Variants in SLC35A3 observed in about 807,000 individuals in gnomAD.
SLC35A3 encodes the protein solute carrier family 35 member A3, also known as UDP-N-acetylglucosamine transporter.
In SLC35A3, 26 loss-of-function variants were observed where a neutral mutation model predicts 39.0. The observed-to-expected ratio is 0.67, with a 90% CI of 0.49 to 0.92. The LOEUF is 0.92. Among genes scored for constraint, SLC35A3 ranks in the 40% least tolerant of loss-of-function variants. SLC35A3 has a pLI of 0.00. For missense variants in SLC35A3, 299 were observed against 371.6 expected (o/e 0.80, Z 1.61); for synonymous variants, 135 against 133.1 (o/e 1.01, Z -0.10).
At chr1:100,015,027 A>G (rs1014904766) in intron 5 of SLC35A3, among the ~76,000 whole-genome samples, 16 of 151,982 alleles carry the variant, frequency 1.1e-4, no homozygotes, top group South Asian at 8.3e-4. Context: ...GCGTGGTGGC[A>G]CGCGCCTGTA....
Position 100,033,020 on chromosome 1 carries a change from G to T in SLC35A3, c.*10544G>T, listed in dbSNP as rs923990538. 6.6e-6 allele frequency: 1 copy of T among 152,044 alleles called. No homozygotes were observed. Among genetic ancestry groups the T allele is most frequent in the Non-Finnish European group, 1.5e-5 (1 of 68,016 alleles). The allele number at this position is 152,044 out of a possible 1,614,324, so 9.4% of individuals were successfully genotyped here. A position where few individuals can be genotyped will look rare whatever the true frequency, so the allele number is the denominator to read the frequency against. ...TGGGATTTATTTAATTTTTTCTTTGGAGTCCTTCTAGCCAGTGAATGGAAT... is the reference window on the plus strand; with the variant it reads ...TGGGATTTATTTAATTTTTTCTTTGTAGTCCTTCTAGCCAGTGAATGGAAT... On this transcript the variant is annotated 3_prime_UTR_variant, in exon 8 of 8. Coordinates refer to ENST00000533028, the MANE Select transcript of SLC35A3 (RefSeq NM_012243.3).
intron 1 of SLC35A3, among the ~76,000 whole-genome samples, chr1:99,983,244 A>C (rs552156273): frequency 1.7e-3 from 257 of 152,124 alleles, no homozygotes; most frequent in African/African-American, 5.7e-3. Context: ...TAATGGCTAC[A>C]AAAATACGGT....
Position 100,027,941 on chromosome 1 carries a change from C to CTTTTTTTT in SLC35A3, c.*5484_*5491dup, listed in dbSNP as rs766486592. The stretch of plus-strand genomic sequence containing the variant: ...ATCTGAATCTTATAGATAATACTAC[C>CTTTTTTTT]TTTTTTTTTTTTTTTTTTTTTTTTT... On this transcript the variant is annotated 3_prime_UTR_variant, in exon 8 of 8. Transcript: ENST00000533028. The CTTTTTTTT allele has an allele frequency of 2.7e-5, 3 of 109,700 alleles. No individual in the cohort carries two copies. Among genetic ancestry groups the CTTTTTTTT allele is most frequent in the African/African-American group, 8.2e-5 (2 of 24,392 alleles). The allele number at this position is 109,700 out of a possible 1,614,324, so 6.8% of individuals were successfully genotyped here. A position where few individuals can be genotyped will look rare whatever the true frequency, so the allele number is the denominator to read the frequency against.
intron 1 of SLC35A3, among the ~76,000 whole-genome samples, chr1:99,986,813 C>A (rs1333116386): frequency 6.6e-6 from 1 of 152,116 alleles, no homozygotes; most frequent in Non-Finnish European, 1.5e-5. Flanking sequence ...GTCTCTCACT[C>A]CTGGAGTCAA....
chr1:100,005,088 G>A lies in SLC35A3; in HGVS notation c.343-1946G>A, dbSNP rs368952035. On this transcript the variant is annotated intron_variant, in intron 3 of 7. Transcript: ENST00000533028. Reference sequence around the variant, plus strand: ...CATTTTTTAACAATAGTTTCACTGCGTATGGTATTTTTATCTGGCAGTTTT... The same window carrying A: ...CATTTTTTAACAATAGTTTCACTGCATATGGTATTTTTATCTGGCAGTTTT... Among the ~76,000 whole-genome samples the A allele has an allele frequency of 4.3e-4, 66 of 152,218 alleles. 5 individuals are homozygous for A. The highest frequency in any genetic ancestry group is 2.1e-3 in the East Asian group (11 of 5,182).
Position 100,017,758 on chromosome 1 carries a change from C to T in SLC35A3, c.830C>T (p.Ser277Leu), listed in dbSNP as rs780108041. The stretch of plus-strand genomic sequence containing the variant: ...TTAAAAGGATTTGCAACCTCTTTAT[C>T]GATAATATTATCAACATTGATCTCC... ...NILKGFATSL[S>L]IILSTLISYF... The change falls in exon 7 of 8, where the codon TCG becomes TTG. Residue 277 changes from serine (S) to leucine (L), a missense_variant. By Grantham distance (145) the Ser-to-Leu change is moderately radical (BLOSUM62 -2). Transcript: ENST00000533028. 3.8e-6 allele frequency: 6 copies of T among 1,574,278 alleles called. No individual in the cohort carries two copies. The highest frequency in any genetic ancestry group is 1.9e-5 in the Admixed American group (1 of 53,508).
At chr1:100,007,369 C>T (rs1326148610) in intron 4 of SLC35A3, 1 of 394,582 alleles carries the variant, frequency 2.5e-6, no homozygotes, top group African/African-American at 2.1e-5. Context: ...ATTATATTAC[C>T]TACAGAAGTG....
chr1:100,006,742 A>G (rs1659258051), intron 3 of SLC35A3, among the ~76,000 whole-genome samples: 1 of 152,204 alleles, frequency 6.6e-6, no homozygotes, highest in Non-Finnish European at 1.5e-5. Flanking sequence ...GTGTATCTGC[A>G]AGAGTGGCAG....
At chr1:99,993,930 A>G (rs972486331) in intron 2 of SLC35A3, among the ~76,000 whole-genome samples, 189 bp downstream of exon 2, 2 of 152,110 alleles carry the variant, frequency 1.3e-5, no homozygotes, top group African/African-American at 4.8e-5. Flanking sequence ...ATCATGATTC[A>G]TATCTTCTGG....
At chr1:99,979,430 CTTTTTTT>C (rs755564922) in intron 1 of SLC35A3, among the ~76,000 whole-genome samples, 1 of 136,316 alleles carries the variant, frequency 7.3e-6, no homozygotes, top group Non-Finnish European at 1.6e-5. Context: ...CCTTTTCTTT[CTTTTTTT>C]TTTTTTTTTT....
chr1:100,030,741 T>G lies in SLC35A3; in HGVS notation c.*8265T>G, dbSNP rs1661173048. 6.6e-6 allele frequency: 1 copy of G among 152,222 alleles called. No individual in the cohort carries two copies. The highest frequency in any genetic ancestry group is 2.1e-4 in the South Asian group (1 of 4,832). The allele number at this position is 152,222 out of a possible 1,614,324, so 9.4% of individuals were successfully genotyped here. A position where few individuals can be genotyped will look rare whatever the true frequency, so the allele number is the denominator to read the frequency against. Reference sequence around the variant, plus strand: ...TGATTTCTAATAATTGAGGGTTTATTAAGTTTTTCCCTTTAGGCTAAAGTT... The same window carrying G: ...TGATTTCTAATAATTGAGGGTTTATGAAGTTTTTCCCTTTAGGCTAAAGTT... On this transcript the variant is annotated 3_prime_UTR_variant, in exon 8 of 8. Coordinates refer to ENST00000533028, the MANE Select transcript of SLC35A3 (RefSeq NM_012243.3).
chr1:100,016,299 C>T (rs977399486), intron 6 of SLC35A3, among the ~76,000 whole-genome samples: 6 of 150,418 alleles, frequency 4.0e-5, no homozygotes, highest in Admixed American at 1.3e-4. Context: ...CTCCTGACCT[C>T]GTTATCCACC....
In SLC35A3 at chr1:100,017,568, C is replaced by G. The variant is rs1660240585; in HGVS notation, c.754-114C>G. ...AGAGATGTTTAAAATAAATCCCTTA[C>G]TATAATGGGATTGAATTTATGGGAC... On this transcript the variant is annotated intron_variant, in intron 6 of 7. Transcript: ENST00000533028. The G allele has an allele frequency of 4.8e-6, 3 of 624,276 alleles. No individual in the cohort carries two copies. The East Asian group carries it at 9.6e-5, about 20-fold the overall frequency. 38.7% of individuals were successfully genotyped at this position (624,276 alleles called of 1,614,324 possible).
At chr1:99,974,447 A>G (rs917518162) in intron 1 of SLC35A3, among the ~76,000 whole-genome samples, 1 of 152,220 alleles carries the variant, frequency 6.6e-6, no homozygotes, top group Admixed American at 6.5e-5. Flanking sequence ...GCATACTTTT[A>G]TATACTATGG....
At chr1:100,016,375 A>ATTT (rs35656354) in intron 6 of SLC35A3, among the ~76,000 whole-genome samples, 2 of 81,170 alleles carry the variant, frequency 2.5e-5, no homozygotes, top group Non-Finnish European at 2.8e-5. Context: ...GGATACTTCT[A>ATTT]TTTTTTTTTT....
rs1370983319 is a variant in SLC35A3, at chr1:99,993,709, T to C, written c.155T>C (p.Met52Thr). 1.2e-6 allele frequency: 2 copies of C among 1,613,970 alleles called. No homozygotes were observed. The highest frequency in any genetic ancestry group is 1.7e-6 in the Non-Finnish European group (2 of 1,179,972). ...GTTGTTGCTGAACTTTTGAAGATAA[T>C]GGCCTGCATTTTATTGGTCTACAAA... ...AVVVAELLKI[M>T]ACILLVYKDS... Residue 52 changes from methionine (M) to threonine (T), a missense_variant, in exon 2 of 8, where the codon ATG becomes ACG. Physicochemically the swap from Met to Thr is moderately conservative, Grantham distance 81. Coordinates refer to ENST00000533028, the MANE Select transcript of SLC35A3 (RefSeq NM_012243.3).
In SLC35A3 at chr1:99,999,386, C is replaced by T. The variant is rs1190554821; in HGVS notation, c.313C>T (p.Leu105=). 3 of 1,587,370 alleles carry T rather than the reference C, an allele frequency of 1.9e-6. No individual in the cohort carries two copies. Among genetic ancestry groups the T allele is most frequent in the Non-Finnish European group, 2.6e-6 (3 of 1,171,326 alleles). The part of the protein sequence containing the change: ...TLQNNLLYVA[L]SNLDAATYQV... ...TCAGAATAATTTACTGTATGTGGCA[C>T]TATCAAATCTAGATGCAGCTACTTA... The change falls in exon 3 of 8, where the codon CTA becomes TTA. Residue 105 remains leucine (L), a synonymous_variant. Transcript: ENST00000533028.
Position 100,025,303 on chromosome 1 carries a change from G to A in SLC35A3, c.*2827G>A, listed in dbSNP as rs1660848564. ...GGTTGGTTACTTATGTATTAATGCA[G>A]TGTGCATTCACATTTAATCAGGTTT... On this transcript the variant is annotated 3_prime_UTR_variant, in exon 8 of 8. Coordinates refer to ENST00000533028, the MANE Select transcript of SLC35A3 (RefSeq NM_012243.3). 1 of 152,176 alleles carries A rather than the reference G, an allele frequency of 6.6e-6. No individual in the cohort carries two copies. The highest frequency in any genetic ancestry group is 2.4e-5 in the African/African-American group (1 of 41,460). The allele number at this position is 152,176 out of a possible 1,614,324, so 9.4% of individuals were successfully genotyped here.
At chr1:99,975,191 T>G (rs1424262520) in intron 1 of SLC35A3, 1 of 152,222 alleles carries the variant, frequency 6.6e-6, no homozygotes, top group Non-Finnish European at 1.5e-5. Context: ...TCTGCCCACC[T>G]AAGCCTCCCA....
Sources: gnomAD v4.1 joint callset for allele counts (sites outside exome capture counted in the v4.1 genomes callset) on GRCh38, gnomAD v4.1.1 for gene constraint, MANE v1.5 for transcripts, NCBI Gene and HGNC (gene_info 2026-07-23, HGNC 2026-07-21) for gene names.